UVSSA: variants seen among roughly 807,000 people sequenced by gnomAD.
The protein encoded by UVSSA is UV-stimulated scaffold protein A.
A neutral mutation model predicts 73.9 loss-of-function variants in UVSSA; 72 were observed. The observed-to-expected ratio is 0.97, with a 90% CI of 0.81 to 1.19. The LOEUF (loss-of-function observed/expected upper bound fraction) is 1.19. Among genes scored for constraint, UVSSA ranks in the 50% most tolerant of loss-of-function variants. UVSSA has a pLI of 0.00. For synonymous variants in UVSSA, 454 were observed against 391.3 expected (o/e 1.16, Z -1.89); for missense variants, 1,150 against 965.0 (o/e 1.19, Z -2.54).
chr4:1,354,357 G>A, intron 5 of UVSSA: 3 of 286,864 alleles, frequency 1.0e-5, no homozygotes, highest in Admixed American at 4.3e-5. Flanking sequence ...GGCTGGTGAG[G>A]CTGGGCTGGA....
At position 1,394,466 on chromosome 4, in the gene UVSSA, C is replaced by G. The variant is rs1299847522; in HGVS notation, c.*8505C>G. The G allele has an allele frequency of 1.9e-6, 3 of 1,608,658 alleles. No individual in the cohort carries two copies. In the South Asian group the frequency reaches 3.3e-5, roughly 18 times the overall value. ...GATACAAAATGTGAGCCAGGAAACC[C>G]AGTTTTTAAATTTCAAATAGCTGTC... On this transcript the variant is annotated 3_prime_UTR_variant, in exon 14 of 14. Coordinates refer to the UVSSA transcript ENST00000511216.
intron 12 of UVSSA, 27 bp from the exon 13 acceptor site, chr4:1,383,739 C>G (rs756750163): frequency 1.9e-6 from 3 of 1,612,112 alleles, no homozygotes; most frequent in South Asian, 1.1e-5. Flanking sequence ...CCAGACGTCT[C>G]CTGAAGTGCT....
At chr4:1,382,190 A>T (rs1009567672) in intron 12 of UVSSA, among the ~76,000 whole-genome samples, 1 of 152,220 alleles carries the variant, frequency 6.6e-6, no homozygotes, top group Admixed American at 6.5e-5. Flanking sequence ...CTGACCTGCT[A>T]ATCTCCGGGT....
At chr4:1,351,142 T>C (rs573833809) in intron 3 of UVSSA, among the ~76,000 whole-genome samples, 113 of 152,188 alleles carry the variant, frequency 7.4e-4, no homozygotes, top group African/African-American at 2.6e-3. Flanking sequence ...CTCAGCTCAC[T>C]GCAAGCTCCA....
chr4:1,366,221 G>A (rs1236492158), intron 7 of UVSSA, 99 bp from the exon 8 acceptor site: 4 of 935,644 alleles, frequency 4.3e-6, no homozygotes, highest in South Asian at 1.6e-5. Flanking sequence ...AGGGGAAAAA[G>A]CTCCACAAGA....
chr4:1,374,626 C>A (rs1718528805), intron 8 of UVSSA, among the ~76,000 whole-genome samples: 2 of 152,302 alleles, frequency 1.3e-5, no homozygotes, highest in South Asian at 4.1e-4. Context: ...CGGGGCGGAC[C>A]CTCTTCGACG....
In UVSSA at chr4:1,380,242, G is replaced by A. The variant is rs1719316262; in HGVS notation, c.1752+12G>A. Reference sequence around the variant, plus strand: ...AAGACCGGCTGAAGGTGAGGCCGTGGCCCGAGGGCGGGGGTGGGTGTGGGC... The same window carrying A: ...AAGACCGGCTGAAGGTGAGGCCGTGACCCGAGGGCGGGGGTGGGTGTGGGC... On this transcript the variant is annotated intron_variant, in intron 11 of 13. Transcript: ENST00000389851. 6.2e-7 allele frequency: 1 copy of A among 1,605,122 alleles called. No individual in the cohort carries two copies. Among genetic ancestry groups the A allele is most frequent in the African/African-American group, 1.3e-5 (1 of 74,804 alleles).
exon 14 of UVSSA, chr4:1,393,798 A>G (rs1459269387): frequency 6.3e-6 from 1 of 157,722 alleles, no homozygotes; most frequent in Non-Finnish European, 1.4e-5. Flanking sequence ...GTGCTGTGCA[A>G]CTCTGGAAAT....
rs1421397951 is a variant in UVSSA at position 1,347,238 on chromosome 4, G to C, written c.-525G>C. ...GAGCGGCCGCGTCAGCGGTAGGTGG[G>C]GCTGTGGTTACGCTGCCGGGCGGGG... On this transcript the variant is annotated 5_prime_UTR_variant, in exon 1 of 14. Transcript: ENST00000389851. The C allele has an allele frequency of 6.6e-6, 1 of 152,350 alleles. No homozygotes were observed. The allele number at this position is 152,350 out of a possible 1,614,324, so 9.4% of individuals were successfully genotyped here. A position where few individuals can be genotyped will look rare whatever the true frequency, so the allele number is the denominator to read the frequency against.
At chr4:1,382,013 T>TGG (rs1285058730) in intron 12 of UVSSA, among the ~76,000 whole-genome samples, 2 of 152,098 alleles carry the variant, frequency 1.3e-5, no homozygotes, top group East Asian at 3.9e-4. Context: ...TGGCCCGAAG[T>TGG]GGGGGTTCAC....
In UVSSA at chr4:1,348,013, C is replaced by G. The variant is rs1334407830; in HGVS notation, c.-2-77C>G. On this transcript the variant is annotated intron_variant, in intron 1 of 13. Transcript: ENST00000389851. ...CGGAGCTTTCGGTTTATAGTGGAAC[C>G]CAGTAAACACGTTAATAACACCGAG... 5.6e-6 allele frequency: 7 copies of G among 1,255,226 alleles called. 1 individual carries two copies. Among genetic ancestry groups the G allele is most frequent in the Middle Eastern group, 3.8e-4 (2 of 5,220 alleles). The allele number at this position is 1,255,226 out of a possible 1,614,324, so 77.8% of individuals were successfully genotyped here.
chr4:1,348,828 A>G (rs982499144), intron 2 of UVSSA, among the ~76,000 whole-genome samples: 2 of 152,198 alleles, frequency 1.3e-5, no homozygotes, highest in African/African-American at 2.4e-5. Flanking sequence ...CGAATTCGCA[A>G]TGGTTTATGT....
At chr4:1,354,551 C>G in intron 5 of UVSSA, 184 bp from the exon 6 acceptor site, 1 of 602,510 alleles carries the variant, frequency 1.7e-6, no homozygotes, top group Non-Finnish European at 3.0e-6. Flanking sequence ...CCACAGTGTT[C>G]TTTTCTAAGA....
intron 3 of UVSSA, among the ~76,000 whole-genome samples, chr4:1,351,224 C>T (rs915819827): frequency 6.6e-6 from 1 of 151,526 alleles, no homozygotes; most frequent in Non-Finnish European, 1.5e-5. Flanking sequence ...CCCCACCACG[C>T]CCGGCTAATT....
At chr4:1,351,690 C>G (rs777994846) in intron 3 of UVSSA, 25 bp from the exon 4 acceptor site, 1 of 1,610,674 alleles carries the variant, frequency 6.2e-7, no homozygotes, top group South Asian at 1.1e-5. Flanking sequence ...CGCCTGTCCC[C>G]TAGTCTTTAT....
intron 9 of UVSSA, 131 bp from the exon 10 acceptor site, chr4:1,375,903 G>A (rs953415181): frequency 2.1e-5 from 29 of 1,390,226 alleles, no homozygotes; most frequent in South Asian, 1.8e-4. Flanking sequence ...CCCAGGCGTC[G>A]TGTGGCAGAA....
upstream of UVSSA, among the ~76,000 whole-genome samples, chr4:1,346,706 C>T (rs1378313200): frequency 6.6e-6 from 1 of 152,032 alleles, no homozygotes; most frequent in Non-Finnish European, 1.5e-5. Context: ...CTGGGCGGTC[C>T]TCACCGGCCC....
At chr4:1,355,080 G>T in intron 6 of UVSSA, 37 bp from the exon 7 acceptor site, 1 of 1,607,124 alleles carries the variant, frequency 6.2e-7, no homozygotes, top group Non-Finnish European at 8.5e-7. Flanking sequence ...GGTCCTGCCC[G>T]GCCGGCCCCT....
At position 1,395,300 on chromosome 4, in the gene UVSSA, C is replaced by T. The variant is rs780858329; in HGVS notation, c.*9339C>T. ...GATGTGGAGTGCCCGCCTGCTCACA[C>T]GTGCCCATGTGGAGTGCCCGCCTGC... On this transcript the variant is annotated 3_prime_UTR_variant, in exon 14 of 14. Transcript: ENST00000511216. The T allele has an allele frequency of 3.9e-5, 61 of 1,551,988 alleles. No individual in the cohort carries two copies. The highest frequency in any genetic ancestry group is 4.7e-5 in the East Asian group (2 of 42,564).
Sources: gnomAD v4.1 joint callset for allele counts (sites outside exome capture counted in the v4.1 genomes callset) on GRCh38, gnomAD v4.1.1 for gene constraint, MANE v1.5 for transcripts, NCBI Gene and HGNC (gene_info 2026-07-23, HGNC 2026-07-21) for gene names.